Variants in XYLT1 observed in about 807,000 individuals in gnomAD.
XYLT1 encodes the protein xylosyltransferase 1.
Under a neutral mutation model 91.3 loss-of-function variants are expected in XYLT1, and 36 were observed. The observed-to-expected ratio is 0.39, with a 90% CI of 0.30 to 0.52. The LOEUF is 0.52. Among genes scored for constraint, XYLT1 ranks in the 20% least tolerant of loss-of-function variants. The probability of loss-of-function intolerance (pLI) is 0.68; values close to 1 mark genes in which losing one functional copy is unlikely to be tolerated. For synonymous variants in XYLT1, 588 were observed against 532.0 expected, an observed-to-expected ratio of 1.11 and a Z score of -1.45; for missense variants, 1,242 against 1,284.5, an observed-to-expected ratio of 0.97 and a Z score of 0.51.
At chr16:17,365,679 T>C (rs1399956104) in intron 1 of XYLT1, among the ~76,000 whole-genome samples, 1 of 152,208 alleles carries the variant, frequency 6.6e-6, no homozygotes, top group Non-Finnish European at 1.5e-5. Context: ...TTCTACATTT[T>C]TTTAGCCCAG....
At chr16:17,190,548 G>C (rs1036611852) in intron 5 of XYLT1, among the ~76,000 whole-genome samples, 2 of 149,794 alleles carry the variant, frequency 1.3e-5, no homozygotes, top group Admixed American at 6.8e-5. Flanking sequence ...TGTGGTGTTC[G>C]GTTTTTTGTC....
At chr16:17,450,426 G>GGA (rs1377183380) in intron 1 of XYLT1, among the ~76,000 whole-genome samples, 1 of 152,132 alleles carries the variant, frequency 6.6e-6, no homozygotes, top group Admixed American at 6.5e-5. Flanking sequence ...GGTACTGGGA[G>GGA]GAAAGGACTC....
chr16:17,141,120 A>C, intron 7 of XYLT1, 33 bp downstream of exon 7: 1 of 1,605,532 alleles, frequency 6.2e-7, no homozygotes, highest in South Asian at 1.1e-5. Context: ...ACAAGCCCCT[A>C]TCTTTCTTGG....
chr16:17,408,617 C>T (rs1457524452), intron 1 of XYLT1, among the ~76,000 whole-genome samples: 1 of 152,134 alleles, frequency 6.6e-6, no homozygotes, highest in Non-Finnish European at 1.5e-5. Flanking sequence ...AGGCCAGGGC[C>T]GGCGGATCAC....
chr16:17,129,071 A>AG (rs1491392426), intron 9 of XYLT1, among the ~76,000 whole-genome samples: 3 of 62,220 alleles, frequency 4.8e-5, no homozygotes, highest in South Asian at 6.5e-4. Flanking sequence ...CAGGGAGCAT[A>AG]GAAAAAAAAA....
intron 2 of XYLT1, among the ~76,000 whole-genome samples, chr16:17,281,007 G>A (rs1319550645): frequency 6.6e-6 from 1 of 152,192 alleles, no homozygotes; most frequent in Non-Finnish European, 1.5e-5. Context: ...GGTTTAGTGG[G>A]TTGGGGCTGG....
intron 5 of XYLT1, among the ~76,000 whole-genome samples, chr16:17,170,118 G>C (rs990074688): frequency 1.3e-5 from 2 of 152,180 alleles, no homozygotes; most frequent in Non-Finnish European, 2.9e-5. Flanking sequence ...TGTGTTGTGG[G>C]TATGGTACAT....
chr16:17,398,969 T>A (rs1440652304), intron 1 of XYLT1, among the ~76,000 whole-genome samples: 2 of 151,896 alleles, frequency 1.3e-5, no homozygotes, highest in Admixed American at 6.6e-5. Context: ...CTCAGCCTCC[T>A]GAGTAGCTGG....
chr16:17,317,058 G>A (rs566072246), intron 2 of XYLT1, among the ~76,000 whole-genome samples: 3 of 151,078 alleles, frequency 2.0e-5, no homozygotes, highest in East Asian at 4.1e-4. Flanking sequence ...TCCTGACCTC[G>A]TGATCCGCCC....
chr16:17,222,063 G>A (rs114786870), intron 3 of XYLT1, among the ~76,000 whole-genome samples: 350 of 152,294 alleles, frequency 2.3e-3, no homozygotes, highest in African/African-American at 7.4e-3. Flanking sequence ...TTCACAGCCC[G>A]TCAACTGGCT....
intron 1 of XYLT1, among the ~76,000 whole-genome samples, chr16:17,436,916 C>T (rs963968539): frequency 6.6e-6 from 1 of 152,158 alleles, no homozygotes; most frequent in African/African-American, 2.4e-5. Context: ...ATGGGTTTCC[C>T]AGAGAGAAAG....
chr16:17,165,644 A>T (rs1302990815), intron 5 of XYLT1, among the ~76,000 whole-genome samples: 1 of 152,214 alleles, frequency 6.6e-6, no homozygotes, highest in East Asian at 1.9e-4. Flanking sequence ...GTGAGCCGAG[A>T]CTGTGCCATT....
chr16:17,214,569 G>C (rs1381144308), intron 3 of XYLT1, among the ~76,000 whole-genome samples: 2 of 152,150 alleles, frequency 1.3e-5, no homozygotes, highest in Non-Finnish European at 2.9e-5. Context: ...GTTTGGGGGG[G>C]TTTGCTACCC....
intron 1 of XYLT1, among the ~76,000 whole-genome samples, chr16:17,457,599 G>C (rs2036761811): frequency 6.6e-6 from 1 of 152,140 alleles, no homozygotes; most frequent in South Asian, 2.1e-4. Context: ...GAGAAAATCA[G>C]ACGTCACAAT....
rs913986269 is a variant in XYLT1, at chr16:17,312,964, T to C, written c.402+45048A>G. 2.0e-5 allele frequency among the ~76,000 whole-genome samples: 3 copies of C among 152,212 alleles called. No individual in the cohort carries two copies. The highest frequency in any genetic ancestry group is 7.2e-5 in the African/African-American group (3 of 41,446). On this transcript the variant is annotated intron_variant, in intron 2 of 11. Transcript: ENST00000261381. This position sits in a 1 kb window ranked among gnomAD's most constrained non-coding sequence, Gnocchi z 4.4. ...ACCCATCCCAAAGAACCGGATCCTC[T>C]TGGAAAAGCTCCCCCTGGCCGGGGC...
chr16:17,165,548 C>T (rs2031659059), intron 5 of XYLT1, among the ~76,000 whole-genome samples: 1 of 152,040 alleles, frequency 6.6e-6, no homozygotes, highest in East Asian at 1.9e-4. Context: ...AAAAAATTAG[C>T]CAGGCATGGT....
intron 3 of XYLT1, among the ~76,000 whole-genome samples, chr16:17,226,110 AT>A (rs1450902386): frequency 2.0e-5 from 3 of 152,166 alleles, no homozygotes; most frequent in African/African-American, 7.2e-5. Flanking sequence ...GGAGGCTGTT[AT>A]GGTTAAATGA....
chr16:17,349,010 G>A (rs1305818230), intron 2 of XYLT1, among the ~76,000 whole-genome samples: 2 of 152,220 alleles, frequency 1.3e-5, no homozygotes, highest in Non-Finnish European at 2.9e-5. Context: ...CAGCACCACG[G>A]GCTTCTGCCT....
intron 2 of XYLT1, among the ~76,000 whole-genome samples, chr16:17,272,705 C>T (rs13336955): frequency 0.1 from 15,175 of 152,188 alleles, 968 homozygotes; most frequent in African/African-American, 0.17. Context: ...AGTAGCGGTC[C>T]CATGGTCTCC....
Sources: allele counts gnomAD v4.1 joint callset (sites outside exome capture counted in the v4.1 genomes callset), GRCh38; gene constraint gnomAD v4.1.1; non-coding constraint Gnocchi (gnomAD v3.1); transcripts MANE v1.5; gene names NCBI Gene and HGNC (gene_info 2026-07-23, HGNC 2026-07-21).